The following AFAP1L1 variants were observed in gnomAD, a reference collection of about 807,000 sequenced individuals.
AFAP1L1 encodes actin filament associated protein 1 like 1, also known as actin filament-associated protein 1-like 1.
Under a neutral mutation model 99.8 loss-of-function variants are expected in AFAP1L1, and 77 were observed. The observed-to-expected ratio is 0.77, with a 90% CI of 0.64 to 0.93. The LOEUF is 0.93. Among genes scored for constraint, AFAP1L1 ranks in the 40% least tolerant of loss-of-function variants. The probability of loss-of-function intolerance (pLI) is 0.00; values close to 1 mark genes in which losing one functional copy is unlikely to be tolerated. For missense variants in AFAP1L1, 893 were observed against 996.8 expected (o/e 0.90, Z 1.40); for synonymous variants, 373 against 395.3 (o/e 0.94, Z 0.67).
intron 16 of AFAP1L1, among the ~76,000 whole-genome samples, chr5:149,330,929 A>T (rs998998768): frequency 4.7e-4 from 71 of 151,830 alleles, no homozygotes; most frequent in African/African-American, 7.2e-4. Context: ...TTTAAAAAAA[A>T]TTTTTTTTTA....
chr5:149,311,412 T>G (rs753670275), intron 8 of AFAP1L1, among the ~76,000 whole-genome samples: 39 of 152,232 alleles, frequency 2.6e-4, no homozygotes, highest in Non-Finnish European at 4.3e-4. Flanking sequence ...GCAGCTGAAC[T>G]GCCTGCATTT....
rs992157574 is a variant in AFAP1L1 at position 149,299,620 on chromosome 5, G to T, written c.128G>T (p.Ser43Ile). Residue 43 changes from serine (S) to isoleucine (I), a missense_variant, in exon 2 of 19, where the codon AGC (serine) becomes ATC (isoleucine). Ser to Ile is a moderately radical substitution (Grantham distance 142). Coordinates refer to ENST00000296721, the MANE Select transcript of AFAP1L1 (RefSeq NM_152406.4). Reference sequence around the variant, plus strand: ...ATGGCCGTGGCCTCCATCCTGCAGAGCCTGCAGCCCCTTCCAGGTTAGCCG... The same window carrying T: ...ATGGCCGTGGCCTCCATCCTGCAGATCCTGCAGCCCCTTCCAGGTTAGCCG... ...KKMAVASILQSLQPLPAKEVS... is the reference protein window; with the variant it reads ...KKMAVASILQILQPLPAKEVS... 6.2e-7 allele frequency: 1 copy of T among 1,614,020 alleles called. No individual in the cohort carries two copies. Among genetic ancestry groups the T allele is most frequent in the African/African-American group, 1.3e-5 (1 of 74,912 alleles).
rs149975625 is a variant in AFAP1L1, at chr5:149,328,596, G to A, written c.1811-1070G>A. On this transcript the variant is annotated intron_variant, in intron 15 of 18. Coordinates refer to ENST00000296721, the MANE Select transcript of AFAP1L1 (RefSeq NM_152406.4). ...GGCTGAGGCAGGCTGATCACTTGAG[G>A]TCAGGAGTTCGAGAACAGCCTGACC... Among the ~76,000 whole-genome samples, 66 of 152,214 alleles carry A rather than the reference G, an allele frequency of 4.3e-4. 1 individual carries two copies. Among genetic ancestry groups the A allele is most frequent in the African/African-American group, 1.5e-3 (63 of 41,532 alleles).
intron 18 of AFAP1L1, among the ~76,000 whole-genome samples, chr5:149,336,857 C>T (rs1757421080): frequency 6.6e-6 from 1 of 152,142 alleles, no homozygotes; most frequent in Non-Finnish European, 1.5e-5. Context: ...TTTGGAGGGA[C>T]AGACATTCCA....
In AFAP1L1 at chr5:149,322,606, G is replaced by A; in HGVS notation, c.1699G>A (p.Asp567Asn). The part of the protein sequence containing the change: ...YDDVPYEKMQ[D>N]EEPERPTGAQ... The stretch of plus-strand genomic sequence containing the variant: ...ACTGTCTTCCTCCATCTCCCACCAG[G>A]ACGAGGAGCCCGAGCGCCCCACAGG... The change falls in exon 15 of 19, where the codon GAC (aspartate) becomes AAC (asparagine). Residue 567 changes from aspartate (D) to asparagine (N), a missense_variant and splice_region_variant. By Grantham distance (23) the Asp-to-Asn change is conservative (BLOSUM62 1). Transcript: ENST00000296721. The A allele has an allele frequency of 1.3e-6, 2 of 1,567,010 alleles. No homozygotes were observed. The highest frequency in any genetic ancestry group is 1.2e-5 in the South Asian group (1 of 85,182).
chr5:149,329,917 C>A, intron 16 of AFAP1L1, 87 bp downstream of exon 16: 1 of 1,254,498 alleles, frequency 8.0e-7, no homozygotes. Context: ...CACAAGTCAC[C>A]TGGTTTCTTA....
intron 15 of AFAP1L1, among the ~76,000 whole-genome samples, chr5:149,326,433 G>A (rs1250101599): frequency 6.6e-6 from 1 of 151,808 alleles, no homozygotes; most frequent in East Asian, 1.9e-4. Flanking sequence ...CAGCTACTCG[G>A]GAGGCTGAGG....
intron 1 of AFAP1L1, among the ~76,000 whole-genome samples, chr5:149,273,823 C>T (rs13362190): frequency 0.012 from 1,841 of 152,042 alleles, 17 homozygotes; most frequent in African/African-American, 0.02. Context: ...CCCCCACTCC[C>T]CACCAGTTTT....
chr5:149,309,559 C>T (rs536228042), intron 7 of AFAP1L1, among the ~76,000 whole-genome samples: 1 of 152,100 alleles, frequency 6.6e-6, no homozygotes, highest in South Asian at 2.1e-4. Flanking sequence ...AATCATTATT[C>T]GTAAACTATT....
chr5:149,335,007 T>C (rs1233079092), intron 17 of AFAP1L1, among the ~76,000 whole-genome samples: 1 of 152,132 alleles, frequency 6.6e-6, no homozygotes, highest in African/African-American at 2.4e-5. Context: ...ACCTATAAAA[T>C]GGAATGACTA....
At chr5:149,291,823 G>A (rs1755870224) in intron 1 of AFAP1L1, among the ~76,000 whole-genome samples, 1 of 152,116 alleles carries the variant, frequency 6.6e-6, no homozygotes, top group Non-Finnish European at 1.5e-5. Flanking sequence ...GATGGAAATT[G>A]GGTCATTTTC....
At chr5:149,299,729 GC>G in intron 2 of AFAP1L1, 92 bp downstream of exon 2, 1 of 1,556,006 alleles carries the variant, frequency 6.4e-7, no homozygotes, top group Non-Finnish European at 8.7e-7. Context: ...GGAACCCTCC[GC>G]CCCACCCCCA....
intron 5 of AFAP1L1, among the ~76,000 whole-genome samples, chr5:149,303,874 C>T (rs972123387): frequency 5.3e-5 from 8 of 152,082 alleles, no homozygotes; most frequent in Admixed American, 4.6e-4. Context: ...GTAAAATACA[C>T]GTAAGATTAA....
At chr5:149,297,160 A>G (rs1287551324) in intron 1 of AFAP1L1, among the ~76,000 whole-genome samples, 3 of 152,224 alleles carry the variant, frequency 2.0e-5, no homozygotes, top group Admixed American at 1.3e-4. Flanking sequence ...ATTTCCTTGA[A>G]AACAGCTAAA....
At chr5:149,301,074 C>A in intron 3 of AFAP1L1, 59 bp from the exon 4 acceptor site, 1 of 1,522,148 alleles carries the variant, frequency 6.6e-7, no homozygotes, top group Non-Finnish European at 9.1e-7. Context: ...CAGCCCTCTT[C>A]CCCTGGTCTG....
At chr5:149,324,320 G>A (rs1757036067) in intron 15 of AFAP1L1, among the ~76,000 whole-genome samples, 1 of 150,532 alleles carries the variant, frequency 6.6e-6, no homozygotes, top group Non-Finnish European at 1.5e-5. Flanking sequence ...CTGTTTCCTG[G>A]TGATGACCAT....
At chr5:149,275,802 G>A (rs1192731862) in intron 1 of AFAP1L1, among the ~76,000 whole-genome samples, 4 of 152,046 alleles carry the variant, frequency 2.6e-5, no homozygotes, top group Non-Finnish European at 2.9e-5. Context: ...CACCATGCCC[G>A]GCCGTCTCTT....
Position 149,316,146 on chromosome 5 carries a change from A to G in AFAP1L1, c.1115-5A>G. On this transcript the variant is annotated splice_polypyrimidine_tract_variant and splice_region_variant and intron_variant, in intron 10 of 18. Coordinates refer to ENST00000296721, the MANE Select transcript of AFAP1L1 (RefSeq NM_152406.4). The stretch of plus-strand genomic sequence containing the variant: ...CTCCACTCCCCTGACCCATTTCCCC[A>G]ACAGGCAAAGGGAAGAAGAGCAGCC... 1 of 1,612,088 alleles carries G rather than the reference A, an allele frequency of 6.2e-7. No individual in the cohort carries two copies. Among genetic ancestry groups the G allele is most frequent in the Non-Finnish European group, 8.5e-7 (1 of 1,178,438 alleles).
At position 149,343,603 on chromosome 5, in the gene AFAP1L1, G is replaced by A. The variant is rs1757619371; in HGVS notation, c.*3573G>A. On this transcript the variant is annotated 3_prime_UTR_variant, in exon 19 of 19. Transcript: ENST00000296721. ...TAGTTGGAGGAAAAAACCTTAACAA[G>A]GAAGCAAAAGAAATAAAATACTAAG... Among the ~76,000 whole-genome samples the A allele has an allele frequency of 6.6e-6, 1 of 152,076 alleles. No homozygotes were observed. The highest frequency in any genetic ancestry group is 2.4e-5 in the African/African-American group (1 of 41,412).
Sources: gnomAD v4.1 joint callset for allele counts (sites outside exome capture counted in the v4.1 genomes callset) on GRCh38, gnomAD v4.1.1 for gene constraint, MANE v1.5 for transcripts, NCBI Gene and HGNC (gene_info 2026-07-23, HGNC 2026-07-21) for gene names.